CNOT1: variants seen among roughly 807,000 people sequenced by gnomAD.
The protein encoded by CNOT1 is CCR4-associated factor 1.
In CNOT1, 15 loss-of-function variants were observed where a neutral mutation model predicts 273.8. The ratio of observed to expected loss-of-function variants is 0.05; its 90% CI spans 0.04 to 0.08. CNOT1 has a LOEUF of 0.08. Among genes scored for constraint, CNOT1 ranks in the 10% least tolerant of loss-of-function variants. The pLI, the probability that CNOT1 is intolerant of heterozygous loss-of-function variation, is 1.00. For missense variants in CNOT1, 1,644 were observed against 2,912.2 expected (o/e 0.56, Z 10.02); for synonymous variants, 1,022 against 1,005.5 (o/e 1.02, Z -0.31).
rs2040096614 is a variant in CNOT1 at position 58,541,579 on chromosome 16, C to A, written c.4722G>T (p.Glu1574Asp). The change falls in exon 34 of 49, where the codon GAG becomes GAT. Residue 1574 changes from glutamate to aspartate, a missense_variant. This residue lies in a region of CNOT1 where 170 missense variants were observed against 273.1 expected (regional missense o/e 0.62). Coordinates refer to ENST00000317147, the MANE Select transcript of CNOT1 (RefSeq NM_016284.5). ...AGAAGCCAGGAACATTGCGTGCAAA[C>A]TCTTCGTAAACAGCCAACTGCTTTG... is the stretch of plus-strand genomic sequence containing the variant. ...VDPKQLAVYE[E>D]FARNVPGFLP... 2 of 1,613,948 alleles carry A rather than the reference C, an allele frequency of 1.2e-6. No homozygotes were observed. Among genetic ancestry groups the A allele is most frequent in the Non-Finnish European group, 1.7e-6 (2 of 1,179,968 alleles).
intron 22 of CNOT1, among the ~76,000 whole-genome samples, chr16:58,552,590 G>A (rs2040489017): frequency 6.6e-6 from 1 of 152,116 alleles, no homozygotes; most frequent in East Asian, 1.9e-4. Flanking sequence ...TCACTTGAAT[G>A]AATATACTCC....
chr16:58,585,570 A>C, intron 7 of CNOT1, 64 bp from the exon 8 acceptor site: 1 of 1,539,808 alleles, frequency 6.5e-7, no homozygotes, highest in Admixed American at 2.2e-5. Flanking sequence ...CTTTTGCTCT[A>C]TCCAAAATCC....
chr16:58,538,655 C>CT, intron 36 of CNOT1, 117 bp downstream of exon 36: 1 of 1,446,182 alleles, frequency 6.9e-7, no homozygotes, highest in South Asian at 1.4e-5. Flanking sequence ...AGTAGGAAGT[C>CT]TAAGTGTCCG....
In CNOT1 at chr16:58,521,209, A is replaced by G. The variant is rs766961618; in HGVS notation, c.7026T>C (p.Phe2342=). The G allele has an allele frequency of 3.7e-6, 6 of 1,613,996 alleles. No individual in the cohort carries two copies. Among genetic ancestry groups the G allele is most frequent in the African/African-American group, 1.3e-5 (1 of 74,920 alleles). The stretch of plus-strand genomic sequence containing the variant: ...TTTCGATTTCTGGGGCACAGTGTAC[A>G]AATTCATGGTTCCAGAACTTAAACG... ...NPAFKFWNHE[F]VHCAPEIEKL... is the part of the protein sequence containing the mutation. Residue 2342 remains phenylalanine, a synonymous_variant, in exon 48 of 49, where the codon TTT becomes TTC. Coordinates refer to ENST00000317147, the MANE Select transcript of CNOT1 (RefSeq NM_016284.5).
intron 39 of CNOT1, among the ~76,000 whole-genome samples, chr16:58,535,923 A>G (rs1273545234): frequency 6.6e-6 from 1 of 151,984 alleles, no homozygotes; most frequent in African/African-American, 2.4e-5. Context: ...TTTAGTAGAG[A>G]CAGGGTTTCA....
At chr16:58,549,615 A>G (rs771627868) in intron 25 of CNOT1, 104 bp downstream of exon 25, 76 of 1,449,302 alleles carry the variant, frequency 5.2e-5, no homozygotes, top group Non-Finnish European at 6.7e-5. Flanking sequence ...GAGGTACCTA[A>G]TATTGACAAT....
chr16:58,617,175 C>A (rs1159994518), intron 1 of CNOT1, among the ~76,000 whole-genome samples: 1 of 151,866 alleles, frequency 6.6e-6, no homozygotes, highest in African/African-American at 2.4e-5. Context: ...ATCTGGGGAA[C>A]AGTGAGACCA....
At chr16:58,571,401 C>CA (rs1261101630) in intron 16 of CNOT1, among the ~76,000 whole-genome samples, 3 of 149,880 alleles carry the variant, frequency 2.0e-5, no homozygotes, top group Non-Finnish European at 4.5e-5. Flanking sequence ...ACTAAAAGTA[C>CA]AAAAAAAAAT....
At chr16:58,561,715 T>C (rs1049754885) in intron 16 of CNOT1, among the ~76,000 whole-genome samples, 5 of 152,230 alleles carry the variant, frequency 3.3e-5, no homozygotes, top group African/African-American at 2.4e-5. Context: ...ATTTCGGAGT[T>C]TGAATTTTGG....
At position 58,610,547 on chromosome 16, in the gene CNOT1, T is replaced by C. The variant is rs117622173; in HGVS notation, c.-174-11036A>G. On this transcript the variant is annotated intron_variant, in intron 1 of 48. Coordinates refer to ENST00000317147, the MANE Select transcript of CNOT1 (RefSeq NM_016284.5). ...GGTGAAATTCCGTCTCTACTAAAAA[T>C]ACAAAAAATTAAAAGGCGGGGCGCG... 7.8e-4 allele frequency among the ~76,000 whole-genome samples: 118 copies of C among 151,316 alleles called. No homozygotes were observed. In the East Asian group the frequency reaches 0.016, roughly 21 times the overall value.
chr16:58,533,298 G>T (rs969846323), intron 40 of CNOT1: 2 of 152,588 alleles, frequency 1.3e-5, no homozygotes, highest in East Asian at 1.9e-4. Context: ...AGCACTTTGG[G>T]AAGTCGAGGC....
At chr16:58,522,684 G>A (rs1436185787) in intron 47 of CNOT1, among the ~76,000 whole-genome samples, 1 of 152,146 alleles carries the variant, frequency 6.6e-6, no homozygotes, top group Non-Finnish European at 1.5e-5. Context: ...TCAACCCAGA[G>A]GTAATGAGGA....
chr16:58,609,998 T>A (rs1292441129), intron 1 of CNOT1, among the ~76,000 whole-genome samples: 1 of 152,112 alleles, frequency 6.6e-6, no homozygotes, highest in African/African-American at 2.4e-5. Context: ...CTTCAGGTAT[T>A]ATAGAAAACA....
At chr16:58,539,058 G>A (rs1219004933) in intron 35 of CNOT1, 144 bp from the exon 36 acceptor site, 3 of 1,272,224 alleles carry the variant, frequency 2.4e-6, no homozygotes, top group Non-Finnish European at 2.1e-6. Context: ...ATCCCTTTCA[G>A]TTGCCTATCA....
At chr16:58,598,171 G>A (rs1033514452) in intron 2 of CNOT1, among the ~76,000 whole-genome samples, 1 of 152,110 alleles carries the variant, frequency 6.6e-6, no homozygotes, top group Non-Finnish European at 1.5e-5. Context: ...GGCCGAGGCA[G>A]GCAGATCACC....
rs866388194 is a variant in CNOT1, at chr16:58,538,812, G to A, written c.5095C>T (p.Arg1699Trp). The change falls in exon 36 of 49, where the codon CGG becomes TGG. Residue 1699 changes from arginine (R) to tryptophan (W), a missense_variant. This residue lies in a region of CNOT1 where 170 missense variants were observed against 273.1 expected (regional missense o/e 0.62). Transcript: ENST00000317147. ...LLVLKALQDG[R>W]AYGSPWCNKQ... ...TTGCACCATGGAGACCCATATGCCC[G>A]GCCATCCTGCAGAGCTTTTAGGACC... 6.2e-7 allele frequency: 1 copy of A among 1,612,506 alleles called. No individual in the cohort carries two copies. The highest frequency in any genetic ancestry group is 8.5e-7 in the Non-Finnish European group (1 of 1,179,810).
chr16:58,542,218 C>T lies in CNOT1; in HGVS notation c.4680+13G>A. On this transcript the variant is annotated intron_variant, in intron 33 of 48. Coordinates refer to ENST00000317147, the MANE Select transcript of CNOT1 (RefSeq NM_016284.5). ...AAAGATGGGACGGGGAAAGACAGAG[C>T]CCCAATTCTCACTTTCAGCCTGATT... 1 of 1,612,944 alleles carries T rather than the reference C, an allele frequency of 6.2e-7. No individual in the cohort carries two copies.
At chr16:58,572,143 C>T (rs1438955822) in intron 16 of CNOT1, among the ~76,000 whole-genome samples, 1 of 151,682 alleles carries the variant, frequency 6.6e-6, no homozygotes, top group Admixed American at 6.6e-5. Context: ...ATTAGCTAGG[C>T]GTGGTGGCGC....
chr16:58,551,998 T>A (rs753866006), intron 22 of CNOT1, among the ~76,000 whole-genome samples, 179 bp from the exon 23 acceptor site: 1 of 152,176 alleles, frequency 6.6e-6, no homozygotes, highest in Non-Finnish European at 1.5e-5. Context: ...ACTTCAGCGA[T>A]AAAATCTTAG....
Sources: allele counts gnomAD v4.1 joint callset (sites outside exome capture counted in the v4.1 genomes callset), GRCh38; gene constraint gnomAD v4.1.1; regional missense constraint gnomAD v4.1.1; transcripts MANE v1.5; gene names NCBI Gene and HGNC (gene_info 2026-07-23, HGNC 2026-07-21).